Variants in ASAP1 observed in about 807,000 individuals in gnomAD.
ASAP1 encodes arf-GAP with SH3 domain, ANK repeat and PH domain-containing protein 1.
A neutral mutation model predicts 145.2 loss-of-function variants in ASAP1; 43 were observed. The observed-to-expected ratio is 0.30, with a 90% CI of 0.23 to 0.38. The LOEUF is 0.38. ASAP1 is among the 10% of genes least tolerant of loss of function. ASAP1 has a pLI of 1.00. For missense variants in ASAP1, 1,018 were observed against 1,355.3 expected, an observed-to-expected ratio of 0.75 and a Z score of 3.91; for synonymous variants, 546 against 515.5, an observed-to-expected ratio of 1.06 and a Z score of -0.80.
intron 5 of ASAP1, among the ~76,000 whole-genome samples, chr8:130,213,146 A>G (rs1816688528): frequency 6.6e-6 from 1 of 152,262 alleles, no homozygotes; most frequent in Non-Finnish European, 1.5e-5. Flanking sequence ...AGATTTACAA[A>G]AACATGGATT....
intron 3 of ASAP1, among the ~76,000 whole-genome samples, chr8:130,237,357 T>C (rs1818276079): frequency 1.3e-5 from 2 of 152,120 alleles, no homozygotes; most frequent in African/African-American, 4.8e-5. Context: ...TAGACATGAA[T>C]GGCACAATAC....
intron 2 of ASAP1, chr8:130,361,714 G>C: frequency 6.5e-7 from 1 of 1,535,798 alleles, no homozygotes; most frequent in Non-Finnish European, 8.7e-7. Flanking sequence ...CCATGCCTCA[G>C]TGAAAACCAT....
intron 16 of ASAP1, 108 bp downstream of exon 16, chr8:130,127,819 T>C (rs1415175731): frequency 1.6e-6 from 2 of 1,234,606 alleles, no homozygotes; most frequent in East Asian, 2.6e-5. Context: ...TGTGTGTGTA[T>C]GTGAGTGTGT....
At chr8:130,140,429 T>C (rs2097607790) in intron 13 of ASAP1, among the ~76,000 whole-genome samples, 1 of 152,006 alleles carries the variant, frequency 6.6e-6, no homozygotes, top group Non-Finnish European at 1.5e-5. Context: ...GGTAAACATG[T>C]GTCACAGGGG....
At chr8:130,096,071 C>G (rs866149465) in intron 24 of ASAP1, among the ~76,000 whole-genome samples, 21 of 152,258 alleles carry the variant, frequency 1.4e-4, no homozygotes, top group Middle Eastern at 3.4e-3. Context: ...CACAGACAGA[C>G]CTATCTATTG....
At chr8:130,246,079 TA>T (rs1818830980) in intron 3 of ASAP1, among the ~76,000 whole-genome samples, 1 of 152,030 alleles carries the variant, frequency 6.6e-6, no homozygotes, top group African/African-American at 2.4e-5. Context: ...TCCTCTCAAT[TA>T]ATCACTGCGA....
At chr8:130,223,881 C>T (rs377017556) in intron 4 of ASAP1, among the ~76,000 whole-genome samples, 13 of 152,000 alleles carry the variant, frequency 8.6e-5, no homozygotes, top group Non-Finnish European at 1.2e-4. Flanking sequence ...TCTTCATGAA[C>T]GAAGAAAAAT....
chr8:130,330,935 C>T (rs1425743392), intron 3 of ASAP1, among the ~76,000 whole-genome samples: 2 of 152,190 alleles, frequency 1.3e-5, no homozygotes, highest in African/African-American at 2.4e-5. Context: ...CCACTTCTAG[C>T]CTTTTTTTCT....
intron 1 of ASAP1, among the ~76,000 whole-genome samples, chr8:130,411,721 A>G (rs1829273683): frequency 6.6e-6 from 1 of 152,220 alleles, no homozygotes; most frequent in Non-Finnish European, 1.5e-5. Context: ...TGCCAGTATT[A>G]TGACAGCCCA....
chr8:130,145,466 C>T (rs183921954), intron 13 of ASAP1, among the ~76,000 whole-genome samples: 15 of 151,958 alleles, frequency 9.9e-5, no homozygotes, highest in African/African-American at 2.4e-4. Flanking sequence ...TACAGGCACG[C>T]GCCACCACAC....
At chr8:130,385,932 C>G (rs932433614) in intron 2 of ASAP1, among the ~76,000 whole-genome samples, 4 of 152,196 alleles carry the variant, frequency 2.6e-5, no homozygotes, top group African/African-American at 9.7e-5. Context: ...TCCCTGAAGT[C>G]TGGGAATGAT....
At chr8:130,078,699 G>C (rs1270614951) in intron 26 of ASAP1, among the ~76,000 whole-genome samples, 1 of 152,140 alleles carries the variant, frequency 6.6e-6, no homozygotes, top group Admixed American at 6.5e-5. Context: ...AGGAAGGTGA[G>C]TGAGGAATGA....
At chr8:130,436,183 T>C (rs1161768021) in intron 1 of ASAP1, among the ~76,000 whole-genome samples, 2 of 152,232 alleles carry the variant, frequency 1.3e-5, no homozygotes, top group African/African-American at 4.8e-5. Flanking sequence ...CAGGCTGAAC[T>C]GAAAGAGAAC....
chr8:130,171,959 T>C (rs540196913), intron 9 of ASAP1, among the ~76,000 whole-genome samples: 23 of 152,192 alleles, frequency 1.5e-4, no homozygotes, highest in Non-Finnish European at 2.6e-4. Context: ...GTTTTGAAGG[T>C]AGAGCATTTA....
chr8:130,422,910 CA>C (rs1276027547), intron 1 of ASAP1, among the ~76,000 whole-genome samples: 3 of 152,156 alleles, frequency 2.0e-5, no homozygotes. Flanking sequence ...GAAACAACCT[CA>C]AATATCCATC....
At chr8:130,365,071 C>T (rs1826890001) in intron 2 of ASAP1, among the ~76,000 whole-genome samples, 1 of 152,206 alleles carries the variant, frequency 6.6e-6, no homozygotes, top group Non-Finnish European at 1.5e-5. Flanking sequence ...CTAAATCCTA[C>T]CCATGTCTGT....
intron 13 of ASAP1, among the ~76,000 whole-genome samples, chr8:130,150,532 C>T (rs2097643653): frequency 4.6e-5 from 7 of 152,170 alleles, no homozygotes; most frequent in Admixed American, 4.6e-4. Context: ...GTTACAGCCT[C>T]ACAAATCCCA....
chr8:130,172,476 A>T (rs1813655257), intron 9 of ASAP1, among the ~76,000 whole-genome samples: 1 of 148,690 alleles, frequency 6.7e-6, no homozygotes, highest in Non-Finnish European at 1.5e-5. Context: ...TCTCTTCCCA[A>T]TTTTTTTTTT....
At chr8:130,406,639 G>A (rs1007319026) in intron 1 of ASAP1, among the ~76,000 whole-genome samples, 2 of 151,986 alleles carry the variant, frequency 1.3e-5, no homozygotes, top group Non-Finnish European at 2.9e-5. Context: ...GTGCCACCAT[G>A]CCCAGCTAAT....
Sources: allele counts gnomAD v4.1 joint callset (sites outside exome capture counted in the v4.1 genomes callset), GRCh38; gene constraint gnomAD v4.1.1; transcripts MANE v1.5; gene names NCBI Gene and HGNC (gene_info 2026-07-23, HGNC 2026-07-21).